Variants in TNNI3K observed in about 807,000 individuals in gnomAD.
TNNI3K encodes the protein TNNI3 interacting kinase, also known as serine/threonine-protein kinase TNNI3K.
In TNNI3K, 140 loss-of-function variants were observed where a neutral mutation model predicts 114.5. The ratio of observed to expected loss-of-function variants is 1.22; its 90% CI spans 1.07 to 1.41. The LOEUF (loss-of-function observed/expected upper bound fraction) is 1.41. Ranked by LOEUF, TNNI3K falls within the 40% of genes most tolerant of loss-of-function variation. The pLI is 0.00. For synonymous variants in TNNI3K, 347 were observed against 347.5 expected (o/e 1.00, Z 0.02); for missense variants, 1,125 against 1,007.6 (o/e 1.12, Z -1.58).
intron 5 of TNNI3K, among the ~76,000 whole-genome samples, chr1:74,279,751 A>G (rs1042358600): frequency 1.3e-5 from 2 of 152,214 alleles, no homozygotes; most frequent in African/African-American, 4.8e-5. Context: ...ATTGTGCACA[A>G]TATATGCCTA....
intron 9 of TNNI3K, among the ~76,000 whole-genome samples, chr1:74,347,771 A>T (rs1307419707): frequency 6.6e-6 from 1 of 152,014 alleles, no homozygotes; most frequent in Non-Finnish European, 1.5e-5. Flanking sequence ...GCATTTTTTC[A>T]TGTGTTTTTT....
intron 5 of TNNI3K, among the ~76,000 whole-genome samples, chr1:74,299,322 A>T (rs572923690): frequency 5.2e-4 from 79 of 152,254 alleles, no homozygotes; most frequent in African/African-American, 1.7e-3. Flanking sequence ...AGTATACATG[A>T]GTGTAATCCT....
At chr1:74,333,424 A>T (rs921313632) in intron 6 of TNNI3K, among the ~76,000 whole-genome samples, 1 of 152,198 alleles carries the variant, frequency 6.6e-6, no homozygotes, top group African/African-American at 2.4e-5. Context: ...GATATATACA[A>T]TGCATATTAT....
intron 20 of TNNI3K, among the ~76,000 whole-genome samples, chr1:74,454,848 A>C (rs181386933): frequency 3.3e-5 from 5 of 152,294 alleles, no homozygotes; most frequent in African/African-American, 1.2e-4. Flanking sequence ...ACAGTGTATG[A>C]GAGTTCCCCT....
chr1:74,367,313 C>G lies in TNNI3K; in HGVS notation c.1235C>G (p.Pro412Arg). 6.2e-7 allele frequency: 1 copy of G among 1,612,146 alleles called. No homozygotes were observed. The highest frequency in any genetic ancestry group is 8.5e-7 in the Non-Finnish European group (1 of 1,178,734). The change falls in exon 12 of 25, where the codon CCC becomes CGC. Residue 412 changes from proline to arginine, a missense_variant. By Grantham distance (103) the Pro-to-Arg change is moderately radical. Transcript: ENST00000326637. ...TATAAGAGACCACAAGATGAATTGC[C>G]CTGTAATGAATATTCTCAGCCTGGA... is the stretch of plus-strand genomic sequence containing the variant. The part of the protein sequence containing the change: ...KHYKRPQDEL[P>R]CNEYSQPGGD...
intron 2 of TNNI3K, chr1:74,239,968 T>G (rs1339734946): frequency 8.5e-6 from 4 of 470,228 alleles, no homozygotes; most frequent in Non-Finnish European, 1.8e-5. Context: ...AATGGATTGG[T>G]GACAGGAAGA....
chr1:74,508,220 A>G (rs934815215), intron 23 of TNNI3K, among the ~76,000 whole-genome samples: 12 of 152,260 alleles, frequency 7.9e-5, no homozygotes, highest in African/African-American at 2.9e-4. Context: ...TGGCACATGT[A>G]TACATATGTA....
intron 5 of TNNI3K, among the ~76,000 whole-genome samples, chr1:74,279,093 A>G (rs1557470080): frequency 6.6e-6 from 1 of 152,162 alleles, no homozygotes; most frequent in Non-Finnish European, 1.5e-5. Context: ...CAAGTCCCCA[A>G]ACTACACTTC....
chr1:74,527,674 T>C (rs1646521021), intron 23 of TNNI3K, among the ~76,000 whole-genome samples: 1 of 152,146 alleles, frequency 6.6e-6, no homozygotes, highest in Non-Finnish European at 1.5e-5. Context: ...TCTACATGTG[T>C]TGGGCAGCCA....
chr1:74,328,383 G>T (rs472315), intron 5 of TNNI3K, among the ~76,000 whole-genome samples: 151,823 of 152,226 alleles, frequency 1, 75,712 homozygotes, highest in Non-Finnish European at 1. Flanking sequence ...CCTAAATGTT[G>T]GTATGAGTGT....
At chr1:74,308,750 C>T (rs2100343897) in intron 5 of TNNI3K, among the ~76,000 whole-genome samples, 1 of 152,086 alleles carries the variant, frequency 6.6e-6, no homozygotes, top group East Asian at 1.9e-4. Context: ...GATTGATAGG[C>T]CACTAGCCAG....
In TNNI3K at chr1:74,239,993, G is replaced by A. The variant is rs115054195; in HGVS notation, c.149+3783G>A. On this transcript the variant is annotated intron_variant, in intron 2 of 24. Transcript: ENST00000326637. ...TGACAGGAAGAAATGAAGAAAAAGA[G>A]AAGGCAGGAGGAGAAAGAAAGACAG... is the stretch of plus-strand genomic sequence containing the variant. 2,316 of 470,280 alleles carry A rather than the reference G, an allele frequency of 4.9e-3. 46 individuals are homozygous for A. The highest frequency in any genetic ancestry group is 0.041 in the African/African-American group (2,064 of 50,162). The allele number at this position is 470,280 out of a possible 1,614,324, so 29.1% of individuals were successfully genotyped here.
At chr1:74,424,029 C>T (rs575014496) in intron 17 of TNNI3K, among the ~76,000 whole-genome samples, 15 of 151,822 alleles carry the variant, frequency 9.9e-5, no homozygotes, top group African/African-American at 1.2e-4. Flanking sequence ...TAAGTGCACA[C>T]TATCGAATTG....
intron 17 of TNNI3K, among the ~76,000 whole-genome samples, chr1:74,390,256 G>C (rs936133332): frequency 6.6e-6 from 1 of 152,126 alleles, no homozygotes; most frequent in Non-Finnish European, 1.5e-5. Context: ...GTCTGGGTAA[G>C]ATTGAGTATT....
chr1:74,372,965 G>A (rs1222891959), intron 17 of TNNI3K: 1 of 151,804 alleles, frequency 6.6e-6, no homozygotes, highest in Non-Finnish European at 1.5e-5. Flanking sequence ...ACACCATTTT[G>A]TAGGTGCCTT....
At chr1:74,241,093 G>C (rs1654172248) in intron 2 of TNNI3K, among the ~76,000 whole-genome samples, 1 of 152,138 alleles carries the variant, frequency 6.6e-6, no homozygotes, top group Non-Finnish European at 1.5e-5. Context: ...CCCTACAAAG[G>C]ACATGAAGTC....
At chr1:74,263,839 TA>T (rs1356324233) in intron 4 of TNNI3K, among the ~76,000 whole-genome samples, 6 of 152,020 alleles carry the variant, frequency 3.9e-5, no homozygotes, top group African/African-American at 1.4e-4. Flanking sequence ...TTTTAAACTT[TA>T]AAATAGATAT....
At chr1:74,318,760 T>A (rs1298603117) in intron 5 of TNNI3K, among the ~76,000 whole-genome samples, 1 of 152,242 alleles carries the variant, frequency 6.6e-6, no homozygotes, top group Non-Finnish European at 1.5e-5. Flanking sequence ...CTAACCTGTA[T>A]GTTGCTTTGG....
chr1:74,540,213 T>G (rs1205746765), intron 23 of TNNI3K, 21 bp from the exon 24 acceptor site: 1 of 1,608,908 alleles, frequency 6.2e-7, no homozygotes, highest in South Asian at 1.1e-5. Context: ...ACTGTGAAAC[T>G]GTGTTTTATT....
Sources: allele counts gnomAD v4.1 joint callset (sites outside exome capture counted in the v4.1 genomes callset), GRCh38; gene constraint gnomAD v4.1.1; transcripts MANE v1.5; gene names NCBI Gene and HGNC (gene_info 2026-07-23, HGNC 2026-07-21).